Variants in FRMPD4 observed in about 807,000 individuals in gnomAD.
FRMPD4 encodes FERM and PDZ domain-containing protein 4.
FRMPD4 carries 22 observed loss-of-function variants against 94.1 expected under a neutral mutation model. That is an observed-to-expected ratio of 0.23 (90% CI 0.17 to 0.33). The LOEUF is 0.33. FRMPD4 is among the 10% of genes least tolerant of loss of function. The pLI is 1.00. For synonymous variants in FRMPD4, 631 were observed against 548.6 expected (o/e 1.15, Z -2.10); for missense variants, 1,111 against 1,339.9 (o/e 0.83, Z 2.67).
intron 1 of FRMPD4, among the ~76,000 whole-genome samples, chrX:12,165,858 T>C (rs2056106964): frequency 9.0e-6 from 1 of 111,230 alleles, no homozygotes; most frequent in African/African-American, 3.3e-5. Context: ...GTTTGTCTGT[T>C]ATTGGTGTAT....
At chrX:12,072,750 T>C (rs6639141) in intron 3 of FRMPD4, among the ~76,000 whole-genome samples, 7,866 of 111,106 alleles carry the variant, frequency 0.071, 270 homozygotes, top group East Asian at 0.24. Context: ...ACAATAAACA[T>C]ATATATGCCC....
intron 3 of FRMPD4, among the ~76,000 whole-genome samples, chrX:12,074,175 G>T (rs192335511): frequency 2.7e-5 from 3 of 112,045 alleles, no homozygotes; most frequent in Admixed American, 1.9e-4. Context: ...ATAATAGGTT[G>T]TGCTTTTTGT....
rs1010982841 is a variant in FRMPD4 at position 12,453,856 on chromosome X, CTTTTA to C, written c.42-44818_42-44814del. Among the ~76,000 whole-genome samples the C allele has an allele frequency of 1.4e-4, 16 of 112,171 alleles. No individual in the cohort carries two copies. In the South Asian group the frequency reaches 3.3e-3, roughly 23 times the overall value. ...TATTTATACAACAGTGAACCTCTGA[CTTTTA>C]TTTTAATGTTCTACGCTCCTCAATC... On this transcript the variant is annotated intron_variant, in intron 1 of 16. Transcript: ENST00000675598.
intron 1 of FRMPD4, among the ~76,000 whole-genome samples, chrX:11,831,869 C>T (rs2053476861): frequency 8.9e-6 from 1 of 112,098 alleles, no homozygotes; most frequent in Non-Finnish European, 1.9e-5. Flanking sequence ...CTAAACAAGG[C>T]CATGAACTCC....
intron 3 of FRMPD4, among the ~76,000 whole-genome samples, chrX:12,106,300 G>T (rs1213823397): frequency 1.8e-5 from 2 of 111,810 alleles, no homozygotes; most frequent in African/African-American, 6.5e-5. Flanking sequence ...TAATTGTTTT[G>T]CCTGTTATTA....
chrX:12,280,937 A>G (rs933373745), intron 1 of FRMPD4, among the ~76,000 whole-genome samples: 5 of 112,012 alleles, frequency 4.5e-5, no homozygotes, highest in South Asian at 3.8e-4. Flanking sequence ...CCAGAGTCAT[A>G]CAAGGTCCTG....
At chrX:12,427,474 A>G (rs762633805) in intron 1 of FRMPD4, among the ~76,000 whole-genome samples, 1 of 111,551 alleles carries the variant, frequency 9.0e-6, no homozygotes, top group Admixed American at 9.5e-5. Flanking sequence ...GAGACAAGCT[A>G]GGAGAACAGG....
At chrX:12,681,609 C>T (rs2059972510) in intron 5 of FRMPD4, among the ~76,000 whole-genome samples, 1 of 110,453 alleles carries the variant, frequency 9.1e-6, no homozygotes, top group Non-Finnish European at 1.9e-5. Context: ...TAAGACACTA[C>T]TCACAGCAAA....
chrX:12,717,210 C>T lies in FRMPD4; in HGVS notation c.2674+77C>T, dbSNP rs781544046. On this transcript the variant is annotated intron_variant, in intron 15 of 16. Transcript: ENST00000675598. ...TTCCAAGCCATTTGCCCCTGGAGTC[C>T]TGTTACGTGGTGTTCTCCATTTCAC... 44 of 645,774 alleles carry T rather than the reference C, an allele frequency of 6.8e-5. No homozygotes were observed. The South Asian group carries it at 1.3e-3, about 19-fold the overall frequency. The allele number at this position is 645,774 out of a possible 1,213,427, so 53.2% of individuals were successfully genotyped here. A position where few individuals can be genotyped will look rare whatever the true frequency, so the allele number is the denominator to read the frequency against.
chrX:11,829,861 A>G (rs1417438096), intron 1 of FRMPD4, among the ~76,000 whole-genome samples: 2 of 112,281 alleles, frequency 1.8e-5, no homozygotes, highest in East Asian at 5.6e-4. Context: ...TTCAATTTAT[A>G]AATTTCTGTT....
At chrX:12,343,240 C>T (rs1443182874) in intron 1 of FRMPD4, among the ~76,000 whole-genome samples, 2 of 111,898 alleles carry the variant, frequency 1.8e-5, no homozygotes, top group Non-Finnish European at 3.8e-5. Flanking sequence ...CAAATTCTGA[C>T]CCTGTCCATT....
intron 2 of FRMPD4, among the ~76,000 whole-genome samples, chrX:12,572,737 A>G: frequency 8.9e-6 from 1 of 112,166 alleles, no homozygotes; most frequent in East Asian, 2.8e-4. Context: ...ATAGGTAATT[A>G]TGTACATACG....
At chrX:12,246,002 A>G (rs1416568173) in intron 1 of FRMPD4, among the ~76,000 whole-genome samples, 2 of 112,156 alleles carry the variant, frequency 1.8e-5, no homozygotes, top group East Asian at 2.8e-4. Context: ...TGTAATCACC[A>G]TGGATGGATT....
rs1731405504 is a variant in FRMPD4, at chrX:12,716,120, T to C, written c.1661T>C (p.Ile554Thr). 1 of 1,199,935 alleles carries C rather than the reference T, an allele frequency of 8.3e-7. No individual in the cohort carries two copies. Among genetic ancestry groups the C allele is most frequent in the Admixed American group, 2.2e-5 (1 of 45,058 alleles). ...HNLLGPDWNC[I>T]PQMTTFIGEG... The stretch of plus-strand genomic sequence containing the variant: ...CTCCTTGGCCCAGATTGGAACTGTA[T>C]ACCCCAAATGACCACCTTTATTGGC... Residue 554 changes from isoleucine to threonine, a missense_variant, in exon 15 of 17, where the codon ATA (isoleucine) becomes ACA (threonine). Ile to Thr is a moderately conservative substitution (Grantham distance 89). This residue lies in a region of FRMPD4 where 192 missense variants were observed against 192.5 expected (regional missense o/e 1.00). Transcript: ENST00000675598.
intron 1 of FRMPD4, among the ~76,000 whole-genome samples, chrX:12,274,432 TCTTAA>T (rs1311111292): frequency 1.8e-5 from 2 of 112,425 alleles, no homozygotes; most frequent in African/African-American, 6.5e-5. Context: ...GCATGTTCAT[TCTTAA>T]CTTCTGTGAA....
At chrX:12,238,749 C>T (rs1346044107) in intron 1 of FRMPD4, among the ~76,000 whole-genome samples, 2 of 112,011 alleles carry the variant, frequency 1.8e-5, no homozygotes, top group Non-Finnish European at 3.8e-5. Context: ...CGTGCCTTCT[C>T]TCAGATAATA....
intron 1 of FRMPD4, among the ~76,000 whole-genome samples, chrX:12,290,355 C>G (rs986419661): frequency 1.8e-5 from 2 of 112,365 alleles, no homozygotes; most frequent in African/African-American, 6.5e-5. Context: ...ACCATGTGCT[C>G]AATTCCTGGC....
At chrX:12,401,483 T>C (rs1381236608) in intron 1 of FRMPD4, among the ~76,000 whole-genome samples, 1 of 111,590 alleles carries the variant, frequency 9.0e-6, no homozygotes, top group African/African-American at 3.3e-5. Flanking sequence ...CTTGTGTTGC[T>C]CCCCATTTCT....
At chrX:12,348,060 A>G (rs978862764) in intron 1 of FRMPD4, among the ~76,000 whole-genome samples, 1 of 112,022 alleles carries the variant, frequency 8.9e-6, no homozygotes, top group Non-Finnish European at 1.9e-5. Context: ...TAGTGGGAAC[A>G]CTCAAAGTAT....
Sources: allele counts gnomAD v4.1 joint callset (sites outside exome capture counted in the v4.1 genomes callset), GRCh38; gene constraint gnomAD v4.1.1; regional missense constraint gnomAD v4.1.1; transcripts MANE v1.5; gene names NCBI Gene and HGNC (gene_info 2026-07-23, HGNC 2026-07-21).